PPIL6: variants seen among roughly 807,000 people sequenced by gnomAD.
The protein encoded by PPIL6 is peptidylprolyl isomerase like 6.
A neutral mutation model predicts 36.8 loss-of-function variants in PPIL6; 39 were observed. The observed-to-expected ratio is 1.06, with a 90% CI of 0.82 to 1.38. The LOEUF (loss-of-function observed/expected upper bound fraction) is 1.38. Ranked by LOEUF, PPIL6 falls within the 40% of genes most tolerant of loss-of-function variation. The pLI is 0.00. For synonymous variants in PPIL6, 123 were observed against 134.1 expected (o/e 0.92, Z 0.57); for missense variants, 368 against 379.1 (o/e 0.97, Z 0.24).
intron 6 of PPIL6, among the ~76,000 whole-genome samples, chr6:109,408,603 G>A (rs1056699655): frequency 6.6e-6 from 1 of 152,066 alleles, no homozygotes; most frequent in South Asian, 2.1e-4. Flanking sequence ...TGATCAGTTT[G>A]ATGCTGTATA....
intron 7 of PPIL6, among the ~76,000 whole-genome samples, 171 bp downstream of exon 7, chr6:109,399,864 C>T (rs140088337): frequency 1.5e-4 from 23 of 152,300 alleles, no homozygotes; most frequent in African/African-American, 5.3e-4. Flanking sequence ...TTATAGATAG[C>T]AAACTTCTTG....
chr6:109,425,400 T>C (rs536360278), intron 5 of PPIL6, among the ~76,000 whole-genome samples: 14 of 152,210 alleles, frequency 9.2e-5, no homozygotes, highest in African/African-American at 3.1e-4. Context: ...TTTTCCCAAA[T>C]CTTGCAAGGG....
intron 1 of PPIL6, among the ~76,000 whole-genome samples, chr6:109,439,284 AAC>A (rs1322691544): frequency 1.3e-5 from 2 of 152,262 alleles, no homozygotes; most frequent in African/African-American, 4.8e-5. Context: ...CTGCCCAAGC[AAC>A]ACAGACCACA....
At chr6:109,430,285 G>C (rs1213014372) in intron 3 of PPIL6, among the ~76,000 whole-genome samples, 1 of 152,222 alleles carries the variant, frequency 6.6e-6, no homozygotes, top group Non-Finnish European at 1.5e-5. Context: ...GAGCAGGACT[G>C]CAAAGTACCT....
At chr6:109,411,397 T>C (rs1012595022) in intron 6 of PPIL6, among the ~76,000 whole-genome samples, 2 of 152,212 alleles carry the variant, frequency 1.3e-5, no homozygotes, top group African/African-American at 4.8e-5. Flanking sequence ...CAGACTAGCA[T>C]TGGATTATTT....
intron 5 of PPIL6, among the ~76,000 whole-genome samples, chr6:109,425,326 G>A (rs1283998672): frequency 6.6e-6 from 1 of 152,144 alleles, no homozygotes; most frequent in Admixed American, 6.5e-5. Flanking sequence ...CAAGATCTGT[G>A]CACTTTACTA....
chr6:109,423,737 C>A (rs1423590335), intron 5 of PPIL6, among the ~76,000 whole-genome samples: 1 of 151,482 alleles, frequency 6.6e-6, no homozygotes, highest in Admixed American at 6.6e-5. Flanking sequence ...TTTTTTTAAT[C>A]CTTCTGAAGG....
intron 2 of PPIL6, among the ~76,000 whole-genome samples, chr6:109,434,425 TTGTG>T (rs938509136): frequency 6.6e-6 from 1 of 151,394 alleles, no homozygotes; most frequent in Non-Finnish European, 1.5e-5. Flanking sequence ...ATATGTGTGT[TTGTG>T]TGTGTGTGTG....
intron 6 of PPIL6, among the ~76,000 whole-genome samples, chr6:109,415,818 G>C (rs1773225162): frequency 6.6e-6 from 1 of 152,162 alleles, no homozygotes; most frequent in African/African-American, 2.4e-5. Context: ...CCTGACTAGA[G>C]GCTGAATTAG....
In PPIL6 at chr6:109,419,243, T is replaced by C; in HGVS notation, c.632A>G (p.Asp211Gly). The C allele has an allele frequency of 6.5e-7, 1 of 1,527,554 alleles. No individual in the cohort carries two copies. Among genetic ancestry groups the C allele is most frequent in the Non-Finnish European group, 9.1e-7 (1 of 1,102,044 alleles). 94.6% of individuals were successfully genotyped at this position (1,527,554 alleles called of 1,614,324 possible). ...IVQNGWIQGG[D>G]IVYGKGDNGE... ...ATTATCTCCTTTTCCATACACTATA[T>C]CTGAGAAATAGCAACAAATAAACAT... Residue 211 changes from aspartate (D) to glycine (G), a missense_variant and splice_region_variant, in exon 6 of 8, where the codon GAT becomes GGT. Asp to Gly is a moderately conservative substitution (Grantham distance 94). Transcript: ENST00000521072.
chr6:109,431,437 G>A, intron 2 of PPIL6, 92 bp from the exon 3 acceptor site: 1 of 849,584 alleles, frequency 1.2e-6, no homozygotes, highest in South Asian at 2.3e-5. Context: ...ATCAACTCTA[G>A]GTCTGAATTT....
chr6:109,439,185 A>T (rs917453112), intron 1 of PPIL6, among the ~76,000 whole-genome samples: 1 of 152,088 alleles, frequency 6.6e-6, no homozygotes, highest in Non-Finnish European at 1.5e-5. Context: ...AAAAAAAGAG[A>T]AAAAAAATCT....
intron 7 of PPIL6, among the ~76,000 whole-genome samples, chr6:109,397,751 G>T (rs1017428529): frequency 6.6e-6 from 1 of 152,138 alleles, no homozygotes; most frequent in Non-Finnish European, 1.5e-5. Flanking sequence ...TTGTGTTTGA[G>T]AAAGGTACCT....
intron 6 of PPIL6, among the ~76,000 whole-genome samples, chr6:109,412,821 G>A (rs1160645097): frequency 6.6e-6 from 1 of 152,064 alleles, no homozygotes; most frequent in Non-Finnish European, 1.5e-5. Context: ...GGACAAATGG[G>A]ATCATATCAA....
intron 5 of PPIL6, among the ~76,000 whole-genome samples, chr6:109,425,831 C>G (rs1399721166): frequency 6.6e-6 from 1 of 151,742 alleles, no homozygotes; most frequent in Non-Finnish European, 1.5e-5. Context: ...TCAGGAGCCC[C>G]TAATATTAAC....
At chr6:109,401,069 G>A (rs1008800377) in intron 6 of PPIL6, among the ~76,000 whole-genome samples, 116 of 146,650 alleles carry the variant, frequency 7.9e-4, no homozygotes, top group African/African-American at 2.7e-3. Context: ...GTAGAGACAG[G>A]GTTTCACTGT....
intron 6 of PPIL6, among the ~76,000 whole-genome samples, chr6:109,401,924 CGT>C (rs1772564024): frequency 6.6e-6 from 1 of 151,770 alleles, no homozygotes; most frequent in Admixed American, 6.6e-5. Flanking sequence ...AGGGTTTCAC[CGT>C]GTTTGCTAGG....
At chr6:109,399,094 T>TTTTTTTTA (rs1772416586) in intron 7 of PPIL6, among the ~76,000 whole-genome samples, 1 of 148,374 alleles carries the variant, frequency 6.7e-6, no homozygotes, top group African/African-American at 2.5e-5. Context: ...CCCAGCTAAT[T>TTTTTTTTA]TTTATTTATT....
At chr6:109,434,587 T>C (rs531171661) in intron 2 of PPIL6, among the ~76,000 whole-genome samples, 7 of 152,324 alleles carry the variant, frequency 4.6e-5, no homozygotes, top group African/African-American at 1.4e-4. Context: ...GCACCATTCA[T>C]GTGACTGAAC....
Sources: allele counts gnomAD v4.1 joint callset (sites outside exome capture counted in the v4.1 genomes callset), GRCh38; gene constraint gnomAD v4.1.1; transcripts MANE v1.5; gene names NCBI Gene and HGNC (gene_info 2026-07-23, HGNC 2026-07-21).